Variants in SCUBE2 observed in about 807,000 individuals in gnomAD.
The protein encoded by SCUBE2 is signal peptide, CUB domain and EGF like domain containing 2, also known as signal peptide, CUB and EGF-like domain-containing protein 2.
Under a neutral mutation model 125.9 loss-of-function variants are expected in SCUBE2, and 114 were observed. The ratio of observed to expected loss-of-function variants is 0.91; its 90% CI spans 0.78 to 1.06. The LOEUF (loss-of-function observed/expected upper bound fraction) is 1.06, where lower values mean the gene tolerates loss of function less well. SCUBE2 is among the 50% of genes least tolerant of loss of function. The pLI, the probability that SCUBE2 is intolerant of heterozygous loss-of-function variation, is 0.00. For synonymous variants in SCUBE2, 459 were observed against 492.9 expected, an observed-to-expected ratio of 0.93 and a Z score of 0.91; for missense variants, 1,255 against 1,301.8, an observed-to-expected ratio of 0.96 and a Z score of 0.55.
intron 4 of SCUBE2, among the ~76,000 whole-genome samples, chr11:9,073,904 C>T (rs140032070): frequency 1.3e-3 from 192 of 152,256 alleles, no homozygotes; most frequent in African/African-American, 3.2e-3. Context: ...GAAGAGTTTC[C>T]GGCAAATTTA....
intron 18 of SCUBE2, chr11:9,030,259 G>A (rs1342532735): frequency 8.5e-6 from 5 of 586,584 alleles, no homozygotes; most frequent in Non-Finnish European, 1.5e-5. Flanking sequence ...CAAGATATGT[G>A]TGTATCTCCA....
rs1012079053 is a variant in SCUBE2, at chr11:9,091,004, G to C, written c.133+392C>G. ...CTTGCCGGCCCCCAAAGAAAGAAAC[G>C]GCAAAGCTGCCACCGCCTCGCGGAT... On this transcript the variant is annotated intron_variant, in intron 1 of 22. Coordinates refer to ENST00000649792, the MANE Select transcript of SCUBE2 (RefSeq NM_001367977.2). The surrounding 1 kb of genome is among the most constrained non-coding windows in gnomAD (Gnocchi z 8.5). Among the ~76,000 whole-genome samples, 6 of 152,154 alleles carry C rather than the reference G, an allele frequency of 3.9e-5. No homozygotes were observed. The highest frequency in any genetic ancestry group is 1.4e-4 in the African/African-American group (6 of 41,434).
chr11:9,055,184 G>A (rs1955378290), intron 10 of SCUBE2, among the ~76,000 whole-genome samples: 1 of 152,216 alleles, frequency 6.6e-6, no homozygotes, highest in Non-Finnish European at 1.5e-5. Flanking sequence ...AGATTGCTGG[G>A]TGAATCTGAT....
intron 6 of SCUBE2, among the ~76,000 whole-genome samples, chr11:9,066,469 G>C (rs758062561): frequency 4.6e-5 from 7 of 152,234 alleles, no homozygotes; most frequent in Non-Finnish European, 1.0e-4. Context: ...GTTAGGAGCA[G>C]CCTAGTCCAG....
rs1564848061 is a variant in SCUBE2, at chr11:9,079,466, A to G, written c.300T>C (p.His100=). ...AATTGCCTGGAATATTCAAACAGTC[A>G]TGGACACAGCCTCCATTGAGCTCAT... is the stretch of plus-strand genomic sequence containing the variant. ...CGNELNGGCV[H]DCLNIPGNYR... is the part of the protein sequence containing the mutation. The change falls in exon 3 of 23, where the codon CAT becomes CAC. Residue 100 remains histidine (H), a synonymous_variant. Transcript: ENST00000649792. The G allele has an allele frequency of 1.9e-6, 3 of 1,614,150 alleles. No individual in the cohort carries two copies. The highest frequency in any genetic ancestry group is 1.6e-4 in the Middle Eastern group (1 of 6,062).
At chr11:9,050,778 C>G in intron 13 of SCUBE2, 68 bp from the exon 14 acceptor site, 2 of 1,241,418 alleles carry the variant, frequency 1.6e-6, no homozygotes, top group Non-Finnish European at 2.4e-6. Flanking sequence ...AGATGGGAAG[C>G]AGCAAGCTGT....
intron 3 of SCUBE2, among the ~76,000 whole-genome samples, chr11:9,076,962 C>T (rs1426346719): frequency 6.6e-6 from 1 of 152,214 alleles, no homozygotes; most frequent in Non-Finnish European, 1.5e-5. Flanking sequence ...TGAACACCAA[C>T]TCCTGGATTG....
intron 18 of SCUBE2, 21 bp from the exon 19 acceptor site, chr11:9,030,066 A>G: frequency 6.3e-7 from 1 of 1,598,176 alleles, no homozygotes; most frequent in South Asian, 1.1e-5. Context: ...AGGGAGGGTG[A>G]AAAGAATGAA....
intron 4 of SCUBE2, among the ~76,000 whole-genome samples, chr11:9,070,033 G>A (rs969410841): frequency 1.3e-5 from 2 of 152,082 alleles, no homozygotes; most frequent in African/African-American, 4.8e-5. Context: ...CACATGCCCC[G>A]GGATCTGTCT....
chr11:9,028,493 A>T (rs1156357590), intron 19 of SCUBE2, among the ~76,000 whole-genome samples: 1 of 152,182 alleles, frequency 6.6e-6, no homozygotes, highest in East Asian at 1.9e-4. Context: ...CTGCATCTTC[A>T]TTCATCCCAG....
intron 7 of SCUBE2, 54 bp from the exon 8 acceptor site, chr11:9,060,578 C>T: frequency 6.8e-7 from 1 of 1,470,686 alleles, no homozygotes; most frequent in Non-Finnish European, 9.5e-7. Context: ...GCTGATACAG[C>T]TGACGAAGGT....
At chr11:9,045,013 C>G (rs1857567910) in intron 16 of SCUBE2, among the ~76,000 whole-genome samples, 1 of 152,172 alleles carries the variant, frequency 6.6e-6, no homozygotes, top group African/African-American at 2.4e-5. Flanking sequence ...CCCTGTCGCC[C>G]TCTGCTACAT....
At chr11:9,048,400 G>A (rs939448056) in intron 14 of SCUBE2, among the ~76,000 whole-genome samples, 1 of 152,214 alleles carries the variant, frequency 6.6e-6, no homozygotes, top group African/African-American at 2.4e-5. Flanking sequence ...GGATTGTCTT[G>A]CATTCCTTAC....
chr11:9,074,430 G>A, intron 4 of SCUBE2, 51 bp downstream of exon 4: 3 of 1,606,052 alleles, frequency 1.9e-6, no homozygotes, highest in Non-Finnish European at 1.7e-6. Context: ...GCGTGCAAGG[G>A]AGAGGGTCTC....
Position 9,069,514 on chromosome 11 carries a change from C to A in SCUBE2, c.518-19G>T, listed in dbSNP as rs181065376. 110 of 1,613,656 alleles carry A rather than the reference C, an allele frequency of 6.8e-5. No homozygotes were observed. Among genetic ancestry groups the A allele is most frequent in the Non-Finnish European group, 9.1e-5 (107 of 1,179,754 alleles). On this transcript the variant is annotated intron_variant, in intron 4 of 22. Transcript: ENST00000649792. Reference sequence around the variant, plus strand: ...AGGCCCTCTGAAAAACAGCAGTGTGCGACAGGTGACTAGGCTGTGGTCAGA... The same window carrying A: ...AGGCCCTCTGAAAAACAGCAGTGTGAGACAGGTGACTAGGCTGTGGTCAGA...
chr11:9,075,925 G>A (rs1861180523), intron 3 of SCUBE2, among the ~76,000 whole-genome samples: 1 of 152,160 alleles, frequency 6.6e-6, no homozygotes, highest in Non-Finnish European at 1.5e-5. Flanking sequence ...AGGGACACAT[G>A]GAAGGCCAGT....
chr11:9,021,798 CAGG>C (rs2134980119), intron 22 of SCUBE2, 75 bp downstream of exon 22: 1 of 1,065,590 alleles, frequency 9.4e-7, no homozygotes, highest in Non-Finnish European at 1.5e-6. Flanking sequence ...CAACAAGGAG[CAGG>C]AGGAGAAGCC....
chr11:9,080,544 G>A (rs1473086553), intron 2 of SCUBE2, among the ~76,000 whole-genome samples: 1 of 151,802 alleles, frequency 6.6e-6, no homozygotes, highest in African/African-American at 2.4e-5. Flanking sequence ...CCAGCTGCTT[G>A]GGAGGCTGAG....
In SCUBE2 at chr11:9,047,444, G is replaced by T. The variant is rs1003750856; in HGVS notation, c.1914C>A (p.Asn638Lys). 3.7e-6 allele frequency: 6 copies of T among 1,614,102 alleles called. No individual in the cohort carries two copies. Among genetic ancestry groups the T allele is most frequent in the Non-Finnish European group, 5.1e-6 (6 of 1,180,024 alleles). ...EQFHLQLSGM[N>K]LDVAKKPPRT... Reference sequence around the variant, plus strand: ...TGGGAGGCTTTTTAGCCACGTCGAGGTTCATGCCTGAGAGCTGGAGGTGAA... The same window carrying T: ...TGGGAGGCTTTTTAGCCACGTCGAGTTTCATGCCTGAGAGCTGGAGGTGAA... The change falls in exon 16 of 23, where the codon AAC (asparagine) becomes AAA (lysine). Residue 638 changes from asparagine to lysine, a missense_variant. Coordinates refer to ENST00000649792, the MANE Select transcript of SCUBE2 (RefSeq NM_001367977.2).
Sources: gnomAD v4.1 joint callset for allele counts (sites outside exome capture counted in the v4.1 genomes callset) on GRCh38, gnomAD v4.1.1 for gene constraint, Gnocchi (gnomAD v3.1) non-coding constraint, MANE v1.5 for transcripts, NCBI Gene and HGNC (gene_info 2026-07-23, HGNC 2026-07-21) for gene names.